Variants in EHBP1 observed in about 807,000 individuals in gnomAD.
EHBP1 encodes EH domain binding protein 1.
EHBP1 carries 55 observed loss-of-function variants against 144.0 expected under a neutral mutation model. The observed-to-expected ratio is 0.38, with a 90% confidence interval of 0.31 to 0.48. The LOEUF is 0.48. EHBP1 is among the 20% of genes least tolerant of loss of function. EHBP1 has a pLI of 0.98. For synonymous variants in EHBP1, 469 were observed against 472.7 expected, an observed-to-expected ratio of 0.99 and a Z score of 0.10; for missense variants, 1,200 against 1,364.2, an observed-to-expected ratio of 0.88 and a Z score of 1.90.
chr2:62,801,217 A>G (rs1445235950), intron 5 of EHBP1, among the ~76,000 whole-genome samples: 2 of 152,232 alleles, frequency 1.3e-5, no homozygotes, highest in African/African-American at 2.4e-5. Flanking sequence ...TATGCAAATT[A>G]CCGATGTCTC....
intron 9 of EHBP1, among the ~76,000 whole-genome samples, chr2:62,867,053 C>T (rs2050098799): frequency 6.6e-6 from 1 of 151,958 alleles, no homozygotes; most frequent in Admixed American, 6.6e-5. Context: ...CAAAATGATA[C>T]TACTTGAAAA....
Position 62,907,939 on chromosome 2 carries a change from C to T in EHBP1, c.1185+33407C>T, listed in dbSNP as rs577191636. ...AGTTTATTTTGTCCTGGAGGAGGAA[C>T]ATTTGGCAATGTCTATATATGCCTT... On this transcript the variant is annotated intron_variant, in intron 10 of 22. Coordinates refer to ENST00000431489, the MANE Select transcript of EHBP1 (RefSeq NM_001142616.3). Among the ~76,000 whole-genome samples, 4 of 152,280 alleles carry T rather than the reference C, an allele frequency of 2.6e-5. No individual in the cohort carries two copies. In the South Asian group the frequency reaches 8.3e-4, roughly 32 times the overall value.
chr2:62,844,806 A>G (rs1007061596), intron 7 of EHBP1, among the ~76,000 whole-genome samples: 9 of 152,208 alleles, frequency 5.9e-5, no homozygotes, highest in Non-Finnish European at 1.2e-4. Flanking sequence ...GTTGTGTTGC[A>G]AAGATCACCA....
chr2:62,896,490 T>TA (rs1163557858), intron 10 of EHBP1, among the ~76,000 whole-genome samples: 1 of 152,150 alleles, frequency 6.6e-6, no homozygotes, highest in African/African-American at 2.4e-5. Flanking sequence ...TATTCTACCG[T>TA]ACATTTTATT....
intron 10 of EHBP1, among the ~76,000 whole-genome samples, chr2:62,877,291 C>A (rs191918502): frequency 1.3e-5 from 2 of 152,140 alleles, no homozygotes; most frequent in African/African-American, 2.4e-5. Flanking sequence ...GGGTTCAATT[C>A]AATAAGAAGG....
chr2:62,918,676 T>C (rs1003956487), intron 10 of EHBP1, among the ~76,000 whole-genome samples: 1 of 152,220 alleles, frequency 6.6e-6, no homozygotes, highest in Non-Finnish European at 1.5e-5. Context: ...TCATTTTACA[T>C]TGATTCACTG....
chr2:62,953,858 A>G (rs934236336), intron 13 of EHBP1, among the ~76,000 whole-genome samples: 4 of 152,190 alleles, frequency 2.6e-5, no homozygotes, highest in African/African-American at 9.6e-5. Context: ...AGACCAAAAC[A>G]TCTTTTCACT....
chr2:62,717,170 T>G (rs2035765971), intron 2 of EHBP1, among the ~76,000 whole-genome samples: 2 of 152,234 alleles, frequency 1.3e-5, no homozygotes, highest in African/African-American at 4.8e-5. Flanking sequence ...TTATCAAATC[T>G]TGATTTACAT....
chr2:62,778,347 T>C (rs572654335), intron 5 of EHBP1, among the ~76,000 whole-genome samples: 6 of 152,158 alleles, frequency 3.9e-5, no homozygotes, highest in African/African-American at 1.2e-4. Context: ...AAGACCACCA[T>C]GGGCAATATA....
At chr2:62,980,283 C>A (rs1052250287) in intron 15 of EHBP1, among the ~76,000 whole-genome samples, 16 of 152,324 alleles carry the variant, frequency 1.1e-4, no homozygotes, top group African/African-American at 3.8e-4. Context: ...TAACCTAGAT[C>A]CCTCACATGT....
chr2:62,945,710 A>G (rs2057022134), intron 12 of EHBP1, among the ~76,000 whole-genome samples: 1 of 152,128 alleles, frequency 6.6e-6, no homozygotes, highest in Non-Finnish European at 1.5e-5. Flanking sequence ...GCATCATGCC[A>G]CTGCTTTCCA....
intron 19 of EHBP1, among the ~76,000 whole-genome samples, chr2:63,024,864 T>C (rs1175852661): frequency 6.6e-6 from 1 of 150,420 alleles, no homozygotes; most frequent in African/African-American, 2.5e-5. Context: ...GACATGGTGG[T>C]GTGCACCTGT....
chr2:62,735,736 TTGTC>T (rs2038058928), intron 2 of EHBP1, among the ~76,000 whole-genome samples: 2 of 152,206 alleles, frequency 1.3e-5, no homozygotes, highest in African/African-American at 4.8e-5. Context: ...CAATTTTTGT[TTGTC>T]TGAGAAAGTC....
intron 2 of EHBP1, among the ~76,000 whole-genome samples, chr2:62,742,077 C>T (rs557432248): frequency 1.2e-4 from 19 of 152,118 alleles, no homozygotes; most frequent in African/African-American, 4.3e-4. Flanking sequence ...CAGTAACATG[C>T]TGTACAGGTT....
chr2:62,695,873 C>T (rs2034069907), intron 1 of EHBP1, among the ~76,000 whole-genome samples: 1 of 151,710 alleles, frequency 6.6e-6, no homozygotes, highest in South Asian at 2.1e-4. Flanking sequence ...CCACCGCACC[C>T]AGCTAATTTT....
intron 14 of EHBP1, among the ~76,000 whole-genome samples, chr2:62,977,774 G>A (rs1185591520): frequency 1.3e-5 from 2 of 152,068 alleles, no homozygotes; most frequent in Non-Finnish European, 2.9e-5. Context: ...AAATTGACAA[G>A]TATTGTTTAA....
At position 63,045,528 on chromosome 2, in the gene EHBP1, A is replaced by G; in HGVS notation, c.*28A>G. 6 of 1,564,234 alleles carry G rather than the reference A, an allele frequency of 3.8e-6. No individual in the cohort carries two copies. In the South Asian group the frequency reaches 5.7e-5, roughly 15 times the overall value. On this transcript the variant is annotated 3_prime_UTR_variant, in exon 23 of 23. Transcript: ENST00000431489. The surrounding 1 kb of genome is among the most constrained non-coding windows in gnomAD (Gnocchi z 5.7). Reference sequence around the variant, plus strand: ...ATCAGATCAGAAAGAATCTCTCCCAACATTTTAGAGTCTTGCTTCCCAAAC... The same window carrying G: ...ATCAGATCAGAAAGAATCTCTCCCAGCATTTTAGAGTCTTGCTTCCCAAAC...
intron 2 of EHBP1, among the ~76,000 whole-genome samples, chr2:62,709,338 T>C (rs1201208558): frequency 6.6e-6 from 1 of 152,094 alleles, no homozygotes; most frequent in African/African-American, 2.4e-5. Context: ...TTGGATGTAT[T>C]TGACCAAGCT....
chr2:62,758,485 A>T (rs2040491319), intron 3 of EHBP1, among the ~76,000 whole-genome samples: 1 of 152,186 alleles, frequency 6.6e-6, no homozygotes, highest in Non-Finnish European at 1.5e-5. Context: ...TCTTCTCTTT[A>T]AGTCATGGCT....
Sources: allele counts gnomAD v4.1 joint callset (sites outside exome capture counted in the v4.1 genomes callset), GRCh38; gene constraint gnomAD v4.1.1; non-coding constraint Gnocchi (gnomAD v3.1); transcripts MANE v1.5; gene names NCBI Gene and HGNC (gene_info 2026-07-23, HGNC 2026-07-21).